The following CSMD3 variants were observed in gnomAD, a reference collection of about 807,000 sequenced individuals.
CSMD3 encodes the protein CUB and Sushi multiple domains 3.
A neutral mutation model predicts 435.2 loss-of-function variants in CSMD3; 177 were observed. The observed-to-expected ratio is 0.41, with a 90% CI of 0.36 to 0.46. The LOEUF (loss-of-function observed/expected upper bound fraction) is 0.46. Ranked by LOEUF, CSMD3 falls within the 20% of genes least tolerant of loss-of-function variation. CSMD3 has a pLI of 0.34. For synonymous variants in CSMD3, 1,656 were observed against 1,520.5 expected (o/e 1.09, Z -2.07); for missense variants, 4,265 against 4,504.6 (o/e 0.95, Z 1.52).
chr8:113,190,437 C>T (rs981471812), intron 3 of CSMD3, among the ~76,000 whole-genome samples: 1 of 151,676 alleles, frequency 6.6e-6, no homozygotes, highest in Non-Finnish European at 1.5e-5. Context: ...CCTTGAAGCA[C>T]AGAATGCATG....
intron 32 of CSMD3, among the ~76,000 whole-genome samples, chr8:112,414,316 G>A (rs1811677172): frequency 6.6e-6 from 1 of 151,976 alleles, no homozygotes; most frequent in Admixed American, 6.6e-5. Flanking sequence ...TCCCTTTGTT[G>A]TTCTCATGAT....
chr8:112,632,777 A>C (rs2131562915), intron 22 of CSMD3, among the ~76,000 whole-genome samples: 1 of 152,022 alleles, frequency 6.6e-6, no homozygotes, highest in Non-Finnish European at 1.5e-5. Context: ...TTCTTATTTT[A>C]ATCAACTTAT....
At chr8:112,655,829 T>C (rs1275270606) in intron 18 of CSMD3, among the ~76,000 whole-genome samples, 2 of 152,036 alleles carry the variant, frequency 1.3e-5, no homozygotes, top group South Asian at 2.1e-4. Flanking sequence ...TTTATATATA[T>C]CTTAGACTGG....
At chr8:113,412,075 A>T (rs2094562217) in intron 1 of CSMD3, among the ~76,000 whole-genome samples, 1 of 152,116 alleles carries the variant, frequency 6.6e-6, no homozygotes, top group Non-Finnish European at 1.5e-5. Context: ...TCATGATTAA[A>T]TGAGCTTATA....
chr8:112,367,749 C>T (rs550422613), intron 38 of CSMD3, among the ~76,000 whole-genome samples: 4 of 152,112 alleles, frequency 2.6e-5, no homozygotes, highest in Non-Finnish European at 4.4e-5. Flanking sequence ...AAAAAGTCCT[C>T]TTTAAAATTC....
At chr8:113,416,550 C>T (rs1328006379) in intron 1 of CSMD3, among the ~76,000 whole-genome samples, 1 of 152,068 alleles carries the variant, frequency 6.6e-6, no homozygotes, top group Non-Finnish European at 1.5e-5. Flanking sequence ...CCACCTGTTA[C>T]CTCCATGCAG....
chr8:113,385,480 G>A (rs758414383), intron 1 of CSMD3, among the ~76,000 whole-genome samples: 3 of 152,088 alleles, frequency 2.0e-5, no homozygotes, highest in Non-Finnish European at 4.4e-5. Flanking sequence ...CACCTTGAAT[G>A]GTGTGCCAGG....
intron 10 of CSMD3, among the ~76,000 whole-genome samples, chr8:112,886,273 T>C (rs2081594893): frequency 6.6e-6 from 1 of 151,744 alleles, no homozygotes; most frequent in Admixed American, 6.6e-5. Flanking sequence ...CTCATATGTA[T>C]TCATTTAATG....
chr8:113,356,656 A>T (rs944873406), intron 1 of CSMD3, among the ~76,000 whole-genome samples: 1 of 152,172 alleles, frequency 6.6e-6, no homozygotes, highest in Non-Finnish European at 1.5e-5. Flanking sequence ...AATGTCAAAA[A>T]AATAGAAAGC....
intron 32 of CSMD3, among the ~76,000 whole-genome samples, chr8:112,461,422 G>A (rs929572361): frequency 1.3e-4 from 20 of 152,034 alleles, no homozygotes; most frequent in African/African-American, 4.6e-4. Flanking sequence ...TAATATATAT[G>A]TATAACTTTT....
rs80159685 is a variant in CSMD3, at chr8:113,256,791, T to C, written c.514+21801A>G. Among the ~76,000 whole-genome samples the C allele has an allele frequency of 5.5e-3, 839 of 152,232 alleles. 12 individuals carry two copies. The highest frequency in any genetic ancestry group is 0.019 in the African/African-American group (798 of 41,552). On this transcript the variant is annotated intron_variant, in intron 3 of 70. Coordinates refer to ENST00000297405, the MANE Select transcript of CSMD3 (RefSeq NM_198123.2). ...GAATAACATGATGACCAAACAGACA[T>C]TGCAAGTTTTAAGCAAAATATACAA... is the stretch of plus-strand genomic sequence containing the variant.
intron 22 of CSMD3, among the ~76,000 whole-genome samples, chr8:112,609,900 T>A (rs1028681746): frequency 2.6e-5 from 4 of 152,080 alleles, no homozygotes; most frequent in Non-Finnish European, 4.4e-5. Context: ...GACATTATGG[T>A]AAGTGAAATA....
chr8:112,882,834 G>A (rs929499774), intron 10 of CSMD3, among the ~76,000 whole-genome samples: 15 of 151,930 alleles, frequency 9.9e-5, no homozygotes, highest in African/African-American at 3.6e-4. Flanking sequence ...CCATAAACAG[G>A]TTAAAGACTT....
chr8:112,959,630 A>G (rs1040067398), intron 7 of CSMD3, among the ~76,000 whole-genome samples: 1 of 151,618 alleles, frequency 6.6e-6, no homozygotes, highest in Non-Finnish European at 1.5e-5. Flanking sequence ...TGCGTTTCCC[A>G]CTTTTTATTT....
chr8:112,892,173 T>A (rs1017873444), intron 10 of CSMD3, among the ~76,000 whole-genome samples: 3 of 151,592 alleles, frequency 2.0e-5, no homozygotes, highest in Admixed American at 2.0e-4. Flanking sequence ...CCCAGGAATA[T>A]ATTATTTTTT....
At chr8:112,944,699 C>A (rs989382740) in intron 9 of CSMD3, among the ~76,000 whole-genome samples, 1 of 151,466 alleles carries the variant, frequency 6.6e-6, no homozygotes, top group South Asian at 2.1e-4. Context: ...TTCTGTCCTC[C>A]GTGCTCAATT....
intron 9 of CSMD3, among the ~76,000 whole-genome samples, chr8:112,932,826 T>C (rs1477085826): frequency 6.6e-6 from 1 of 152,070 alleles, no homozygotes; most frequent in African/African-American, 2.4e-5. Context: ...AAAATAGCTA[T>C]AAAAGAAGAT....
At chr8:112,811,218 A>G (rs1294074422) in intron 12 of CSMD3, among the ~76,000 whole-genome samples, 3 of 152,026 alleles carry the variant, frequency 2.0e-5, no homozygotes, top group Non-Finnish European at 4.4e-5. Flanking sequence ...GTGTTATAAA[A>G]TAGTAACAAA....
At chr8:113,029,239 A>G (rs1460455076) in intron 5 of CSMD3, among the ~76,000 whole-genome samples, 3 of 151,566 alleles carry the variant, frequency 2.0e-5, no homozygotes, top group African/African-American at 7.2e-5. Flanking sequence ...ACACTATTCC[A>G]CAAGATAAAG....
Sources: allele counts gnomAD v4.1 joint callset (sites outside exome capture counted in the v4.1 genomes callset), GRCh38; gene constraint gnomAD v4.1.1; transcripts MANE v1.5; gene names NCBI Gene and HGNC (gene_info 2026-07-23, HGNC 2026-07-21).